DPY19L3: variants seen among roughly 807,000 people sequenced by gnomAD.
The protein encoded by DPY19L3 is protein C-mannosyl-transferase DPY19L3.
Under a neutral mutation model 92.3 loss-of-function variants are expected in DPY19L3, and 51 were observed. That is an observed-to-expected ratio of 0.55 (90% CI 0.44 to 0.70). The LOEUF (loss-of-function observed/expected upper bound fraction) is 0.70. Among genes scored for constraint, DPY19L3 ranks in the 30% least tolerant of loss-of-function variants. DPY19L3 has a pLI of 0.00. For synonymous variants in DPY19L3, 309 were observed against 315.2 expected (o/e 0.98, Z 0.21); for missense variants, 706 against 855.9 (o/e 0.82, Z 2.18).
At chr19:32,453,039 C>A in intron 8 of DPY19L3, 106 bp from the exon 9 acceptor site, 1 of 1,306,386 alleles carries the variant, frequency 7.7e-7, no homozygotes, top group Non-Finnish European at 1.1e-6. Context: ...CATGTGTTTT[C>A]TGCATTATTT....
chr19:32,472,339 G>A (rs1231306115), intron 16 of DPY19L3, among the ~76,000 whole-genome samples: 2 of 152,092 alleles, frequency 1.3e-5, no homozygotes, highest in African/African-American at 4.8e-5. Flanking sequence ...GGTAGCCCCA[G>A]CCGCCTTCCC....
At chr19:32,430,148 G>A (rs776210802) in intron 3 of DPY19L3, among the ~76,000 whole-genome samples, 1 of 152,166 alleles carries the variant, frequency 6.6e-6, no homozygotes, top group Non-Finnish European at 1.5e-5. Context: ...CAGCACTTTG[G>A]GAGGCCACGG....
chr19:32,480,484 A>G lies in DPY19L3; in HGVS notation c.1916A>G (p.Asp639Gly), dbSNP rs1307813778. Reference sequence around the variant, plus strand: ...GGCACTGACTACGTAATCCTGGAAGACAGCATCTGCTACGAGCGGAGGCAC... The same window carrying G: ...GGCACTGACTACGTAATCCTGGAAGGCAGCATCTGCTACGAGCGGAGGCAC... The part of the protein sequence containing the change: ...SFGTDYVILE[D>G]SICYERRHRR... The change falls in exon 18 of 19, where the codon GAC (aspartate) becomes GGC (glycine). Residue 639 changes from aspartate (D) to glycine (G), a missense_variant. Physicochemically the swap from Asp to Gly is moderately conservative, Grantham distance 94. Transcript: ENST00000392250. 3 of 1,614,204 alleles carry G rather than the reference A, an allele frequency of 1.9e-6. No homozygotes were observed. The highest frequency in any genetic ancestry group is 2.5e-6 in the Non-Finnish European group (3 of 1,180,026).
intron 9 of DPY19L3, among the ~76,000 whole-genome samples, chr19:32,454,514 C>T (rs1969804344): frequency 6.6e-6 from 1 of 152,134 alleles, no homozygotes; most frequent in Non-Finnish European, 1.5e-5. Flanking sequence ...GCGGAGCTTG[C>T]AGTGAGCGGA....
chr19:32,453,326 G>C, intron 9 of DPY19L3, 50 bp downstream of exon 9: 1 of 1,537,380 alleles, frequency 6.5e-7, no homozygotes, highest in Non-Finnish European at 8.8e-7. Flanking sequence ...TTTTAATTGC[G>C]TGGTTTATTG....
At chr19:32,432,888 A>T (rs910575830) in intron 4 of DPY19L3, 82 bp downstream of exon 4, 2 of 1,078,208 alleles carry the variant, frequency 1.9e-6, no homozygotes, top group Non-Finnish European at 2.8e-6. Flanking sequence ...ACTAAAAACC[A>T]CTTAAATGCT....
At chr19:32,439,037 C>A in intron 6 of DPY19L3, 75 bp from the exon 7 acceptor site, 1 of 1,508,132 alleles carries the variant, frequency 6.6e-7, no homozygotes, top group Non-Finnish European at 9.0e-7. Context: ...TGTAATATAT[C>A]TTTCGTTGAG....
chr19:32,436,525 A>G lies in DPY19L3; in HGVS notation c.408A>G (p.Gln136=), dbSNP rs900313288. ...TCCTTCAGCGAATGAATATTTACCAAGAGGTTTTTCTCAGTATTTTATATA... is the reference window on the plus strand; with the variant it reads ...TCCTTCAGCGAATGAATATTTACCAGGAGGTTTTTCTCAGTATTTTATATA... The part of the protein sequence containing the change: ...INLLQRMNIY[Q]EVFLSILYRV... The change falls in exon 5 of 19, where the codon CAA becomes CAG. Residue 136 remains glutamine (Q), a synonymous_variant. Coordinates refer to ENST00000392250, the MANE Select transcript of DPY19L3 (RefSeq NM_001172774.2). 25 of 1,579,856 alleles carry G rather than the reference A, an allele frequency of 1.6e-5. No homozygotes were observed. Among genetic ancestry groups the G allele is most frequent in the Non-Finnish European group, 2.0e-5 (23 of 1,157,082 alleles).
intron 15 of DPY19L3, among the ~76,000 whole-genome samples, chr19:32,465,158 ACTTT>A (rs1970163600): frequency 6.6e-6 from 1 of 152,210 alleles, no homozygotes; most frequent in South Asian, 2.1e-4. Flanking sequence ...AATGTATCTT[ACTTT>A]AAGCTCCATA....
chr19:32,480,676 G>A, intron 18 of DPY19L3, 119 bp downstream of exon 18: 1 of 1,314,502 alleles, frequency 7.6e-7, no homozygotes, highest in Non-Finnish European at 1.0e-6. Context: ...TACGAATCAA[G>A]TATTTGCTTT....
chr19:32,484,359 G>T lies in DPY19L3; in HGVS notation c.*2119G>T, dbSNP rs1970745947. ...ATTCTCCAATGTGACCTTCTCATTG[G>T]AGTACACAGAAGGAAAGCAAAGAAG... On this transcript the variant is annotated 3_prime_UTR_variant, in exon 19 of 19. Coordinates refer to ENST00000392250, the MANE Select transcript of DPY19L3 (RefSeq NM_001172774.2). The T allele has an allele frequency of 6.6e-6, 1 of 152,220 alleles. No individual in the cohort carries two copies. The highest frequency in any genetic ancestry group is 6.6e-5 in the Admixed American group (1 of 15,264). 9.4% of individuals were successfully genotyped at this position (152,220 alleles called of 1,614,324 possible).
chr19:32,465,633 G>C (rs1366554911), intron 15 of DPY19L3, among the ~76,000 whole-genome samples: 1 of 152,150 alleles, frequency 6.6e-6, no homozygotes, highest in African/African-American at 2.4e-5. Context: ...GGATCAGCTA[G>C]AGCAGCTCAG....
intron 17 of DPY19L3, among the ~76,000 whole-genome samples, chr19:32,478,490 A>C (rs536417269): frequency 2.0e-5 from 3 of 152,348 alleles, no homozygotes; most frequent in Non-Finnish European, 4.4e-5. Context: ...CAGAACATAC[A>C]AAAGGAAATA....
intron 16 of DPY19L3, among the ~76,000 whole-genome samples, chr19:32,476,224 C>T (rs1055673456): frequency 2.0e-5 from 3 of 152,026 alleles, no homozygotes; most frequent in Non-Finnish European, 2.9e-5. Context: ...TCTTAGAAAC[C>T]GCAGCACCAG....
intron 17 of DPY19L3, among the ~76,000 whole-genome samples, chr19:32,479,795 G>A (rs889394546): frequency 6.6e-5 from 10 of 152,216 alleles, no homozygotes; most frequent in East Asian, 3.9e-4. Flanking sequence ...CGTTGCCCAC[G>A]GTGTGCTGCA....
At chr19:32,476,044 T>A (rs1160287756) in intron 16 of DPY19L3, among the ~76,000 whole-genome samples, 1 of 152,210 alleles carries the variant, frequency 6.6e-6, no homozygotes, top group East Asian at 1.9e-4. Flanking sequence ...AGAAAGAAAA[T>A]CTTGAATTTT....
chr19:32,452,785 C>T (rs112144367), intron 8 of DPY19L3, among the ~76,000 whole-genome samples: 5 of 152,248 alleles, frequency 3.3e-5, no homozygotes, highest in African/African-American at 1.2e-4. Context: ...CCTCTGCCTC[C>T]CAGGCTCAAG....
rs1970745210 is a variant in DPY19L3 at position 32,484,315 on chromosome 19, A to G, written c.*2075A>G. On this transcript the variant is annotated 3_prime_UTR_variant, in exon 19 of 19. Coordinates refer to ENST00000392250, the MANE Select transcript of DPY19L3 (RefSeq NM_001172774.2). ...TCAACGAATCATGTTATTAATAAAT[A>G]TTTTTAGCACTCATCAGTATTCTCC... 1 of 152,512 alleles carries G rather than the reference A, an allele frequency of 6.6e-6. No homozygotes were observed. Among genetic ancestry groups the G allele is most frequent in the Non-Finnish European group, 1.5e-5 (1 of 68,030 alleles). The allele number at this position is 152,512 out of a possible 1,614,324, so 9.4% of individuals were successfully genotyped here.
chr19:32,424,097 G>A (rs1418022135), intron 3 of DPY19L3, among the ~76,000 whole-genome samples: 1 of 151,990 alleles, frequency 6.6e-6, no homozygotes, highest in Non-Finnish European at 1.5e-5. Context: ...TGGGAGGATT[G>A]CTTGAGCCCA....
Sources: gnomAD v4.1 joint callset for allele counts (sites outside exome capture counted in the v4.1 genomes callset) on GRCh38, gnomAD v4.1.1 for gene constraint, MANE v1.5 for transcripts, NCBI Gene and HGNC (gene_info 2026-07-23, HGNC 2026-07-21) for gene names.